Variants in CBX5 observed in about 807,000 individuals in gnomAD.
CBX5 encodes chromobox protein homolog 5.
In CBX5, 7 loss-of-function variants were observed where a neutral mutation model predicts 20.7. The ratio of observed to expected loss-of-function variants is 0.34; its 90% confidence interval spans 0.19 to 0.63. The LOEUF is 0.63. Among genes scored for constraint, CBX5 ranks in the 30% least tolerant of loss-of-function variants. The pLI, the probability that CBX5 is intolerant of heterozygous loss-of-function variation, is 0.75. For synonymous variants in CBX5, 78 were observed against 77.0 expected, an observed-to-expected ratio of 1.01 and a Z score of -0.07; for missense variants, 110 against 224.1, an observed-to-expected ratio of 0.49 and a Z score of 3.25.
chr12:54,257,647 C>T lies in CBX5; in HGVS notation c.4G>A (p.Gly2Arg). The change falls in exon 2 of 5, where the codon GGA (glycine) becomes AGA (arginine). Residue 2 changes from glycine to arginine, a missense_variant. Gly to Arg is a moderately radical substitution (Grantham distance 125, BLOSUM62 -2). Around this residue, in one of 3 missense-constraint regions of CBX5, gnomAD observed 58 missense variants for 120.6 expected, o/e 0.48. Transcript: ENST00000209875. The part of the protein sequence containing the change: M[G>R]KKTKRTADSS... ...TCAGCTGTCCGCTTGGTTTTCTTTC[C>T]CATGTCGCACACCGTTCCACCTGAA... 6.2e-7 allele frequency: 1 copy of T among 1,614,192 alleles called. No homozygotes were observed. The highest frequency in any genetic ancestry group is 8.5e-7 in the Non-Finnish European group (1 of 1,180,038).
rs1943678269 is a variant in CBX5, at chr12:54,241,679, G to T, written c.*76C>A. 2 of 1,377,570 alleles carry T rather than the reference G, an allele frequency of 1.5e-6. No homozygotes were observed. Among genetic ancestry groups the T allele is most frequent in the Admixed American group, 2.2e-5 (1 of 45,200 alleles). The allele number at this position is 1,377,570 out of a possible 1,614,324, so 85.3% of individuals were successfully genotyped here. A position where few individuals can be genotyped will look rare whatever the true frequency, so the allele number is the denominator to read the frequency against. ...TATGGATGTGTTTAGGATAGAAAGGGGTGGGTAGAAAGGAGAGGAGGCAGG... is the reference window on the plus strand; with the variant it reads ...TATGGATGTGTTTAGGATAGAAAGGTGTGGGTAGAAAGGAGAGGAGGCAGG... On this transcript the variant is annotated 3_prime_UTR_variant, in exon 5 of 5. Transcript: ENST00000209875.
intron 1 of CBX5, chr12:54,273,860 GA>G (rs1944034300): frequency 6.6e-6 from 1 of 152,132 alleles, no homozygotes; most frequent in Non-Finnish European, 1.5e-5. Context: ...GCAGCCACAG[GA>G]AACTAATACA....
rs1943673624 is a variant in CBX5 at position 54,241,333 on chromosome 12, A to T, written c.*422T>A. ...CAACATGTCAGAACAAAGGCCAGCT[A>T]GTCAGCAACATGTTCTAAGAACCAA... On this transcript the variant is annotated 3_prime_UTR_variant, in exon 5 of 5. Coordinates refer to ENST00000209875, the MANE Select transcript of CBX5 (RefSeq NM_012117.3). 6.5e-6 allele frequency: 1 copy of T among 154,516 alleles called. No individual in the cohort carries two copies. Among genetic ancestry groups the T allele is most frequent in the Non-Finnish European group, 1.4e-5 (1 of 69,718 alleles). 9.6% of individuals were successfully genotyped at this position (154,516 alleles called of 1,614,324 possible).
chr12:54,247,739 T>C (rs1943751078), intron 3 of CBX5, among the ~76,000 whole-genome samples: 1 of 151,946 alleles, frequency 6.6e-6, no homozygotes, highest in Non-Finnish European at 1.5e-5. Flanking sequence ...AGTGGCGCAA[T>C]CTCAGCTCAC....
rs1037445889 is a variant in CBX5 at position 54,234,618 on chromosome 12, A to T, written c.*7137T>A. 2.6e-5 allele frequency: 4 copies of T among 152,232 alleles called. No homozygotes were observed. Among genetic ancestry groups the T allele is most frequent in the African/African-American group, 4.8e-5 (2 of 41,464 alleles). 9.4% of individuals were successfully genotyped at this position (152,232 alleles called of 1,614,324 possible). ...TAGGTTTTGATCTATTGTGACATTA[A>T]TGATCACAATCAGTTGACTTTGAAA... On this transcript the variant is annotated 3_prime_UTR_variant, in exon 5 of 5. Coordinates refer to ENST00000209875, the MANE Select transcript of CBX5 (RefSeq NM_012117.3).
chr12:54,275,990 C>CAA (rs55963261), intron 1 of CBX5, among the ~76,000 whole-genome samples: 7 of 90,718 alleles, frequency 7.7e-5, no homozygotes, highest in Admixed American at 1.2e-4. Context: ...GACTCCATTC[C>CAA]AAAAAAAAAA....
intron 2 of CBX5, among the ~76,000 whole-genome samples, chr12:54,255,229 C>T (rs908014138): frequency 6.6e-6 from 1 of 152,014 alleles, no homozygotes; most frequent in Non-Finnish European, 1.5e-5. Flanking sequence ...GAGAGCGAGA[C>T]CAGCCTGGGT....
chr12:54,278,964 G>C (rs996283791), intron 1 of CBX5: 3 of 152,200 alleles, frequency 2.0e-5, no homozygotes, highest in Non-Finnish European at 4.4e-5. Context: ...AAAAGGGGTT[G>C]TAAGTATGTG....
chr12:54,279,484 C>CCGGTGCCTCCTCACA (rs1944107291), intron 1 of CBX5, among the ~76,000 whole-genome samples: 1 of 152,138 alleles, frequency 6.6e-6, no homozygotes. Flanking sequence ...CCATTACAGG[C>CCGGTGCCTCCTCACA]ACCGACTCCC....
At chr12:54,242,481 C>T (rs1476586669) in intron 4 of CBX5, among the ~76,000 whole-genome samples, 9 of 145,298 alleles carry the variant, frequency 6.2e-5, no homozygotes, top group Non-Finnish European at 9.0e-5. Flanking sequence ...GCTGAGATCG[C>T]GCCACTGCAC....
In CBX5 at chr12:54,246,213, C is replaced by T; in HGVS notation, c.327G>A (p.Gln109=). The part of the protein sequence containing the change: ...DDIKSKKKRE[Q]SNDIARGFER... ...CAAAGCCCCGAGCGATATCATTGCT[C>T]TGCTATAAATAGAAGATAAAGAAAG... Residue 109 remains glutamine (Q), a splice_region_variant and synonymous_variant, in exon 4 of 5, where the codon CAG becomes CAA. Coordinates refer to ENST00000209875, the MANE Select transcript of CBX5 (RefSeq NM_012117.3). The T allele has an allele frequency of 6.2e-7, 1 of 1,609,228 alleles. No homozygotes were observed. Among genetic ancestry groups the T allele is most frequent in the African/African-American group, 1.3e-5 (1 of 74,932 alleles).
At chr12:54,254,864 A>G (rs1943847942) in intron 2 of CBX5, among the ~76,000 whole-genome samples, 1 of 152,134 alleles carries the variant, frequency 6.6e-6, no homozygotes, top group African/African-American at 2.4e-5. Context: ...CAAAAAAAGA[A>G]AAGAAGTCAA....
At chr12:54,253,877 C>T (rs1017890728) in intron 2 of CBX5, among the ~76,000 whole-genome samples, 2 of 151,328 alleles carry the variant, frequency 1.3e-5, no homozygotes, top group Non-Finnish European at 2.9e-5. Flanking sequence ...TCTTCGGCCT[C>T]AGCCTCCCCG....
chr12:54,245,296 C>A (rs1314718008), intron 4 of CBX5, among the ~76,000 whole-genome samples: 1 of 151,824 alleles, frequency 6.6e-6, no homozygotes, highest in Non-Finnish European at 1.5e-5. Context: ...CAGGTGTGAG[C>A]CACTGCATCC....
chr12:54,269,316 G>T (rs1410354263), intron 1 of CBX5, among the ~76,000 whole-genome samples: 2 of 152,162 alleles, frequency 1.3e-5, no homozygotes, highest in Admixed American at 1.3e-4. Context: ...TTTTCTGGAA[G>T]AGTTTGTTGT....
At chr12:54,270,458 A>G (rs972533263) in intron 1 of CBX5, among the ~76,000 whole-genome samples, 1 of 151,972 alleles carries the variant, frequency 6.6e-6, no homozygotes, top group Non-Finnish European at 1.5e-5. Context: ...TTTTTTCTAG[A>G]GACTAGGTCT....
At position 54,241,701 on chromosome 12, in the gene CBX5, C is replaced by G; in HGVS notation, c.*54G>C. The G allele has an allele frequency of 2.6e-6, 4 of 1,530,214 alleles. No homozygotes were observed. The highest frequency in any genetic ancestry group is 3.5e-6 in the Non-Finnish European group (4 of 1,129,248). 94.8% of individuals were successfully genotyped at this position (1,530,214 alleles called of 1,614,324 possible). Reference sequence around the variant, plus strand: ...AGGGGTGGGTAGAAAGGAGAGGAGGCAGGGAGGTGAATGTATTATGTACAA... The same window carrying G: ...AGGGGTGGGTAGAAAGGAGAGGAGGGAGGGAGGTGAATGTATTATGTACAA... On this transcript the variant is annotated 3_prime_UTR_variant, in exon 5 of 5. Transcript: ENST00000209875.
chr12:54,253,376 C>T (rs982944928), intron 2 of CBX5, among the ~76,000 whole-genome samples: 1 of 152,004 alleles, frequency 6.6e-6, no homozygotes, highest in Non-Finnish European at 1.5e-5. Context: ...GACTGCACCA[C>T]TGCATTCCAG....
At chr12:54,243,862 C>G (rs1389044232) in intron 4 of CBX5, among the ~76,000 whole-genome samples, 1 of 152,074 alleles carries the variant, frequency 6.6e-6, no homozygotes, top group Non-Finnish European at 1.5e-5. Context: ...AAGCAAGACG[C>G]TGTCTCAAAA....
Sources: gnomAD v4.1 joint callset for allele counts (sites outside exome capture counted in the v4.1 genomes callset) on GRCh38, gnomAD v4.1.1 for gene constraint, gnomAD v4.1.1 regional missense constraint, MANE v1.5 for transcripts, NCBI Gene and HGNC (gene_info 2026-07-23, HGNC 2026-07-21) for gene names.